The following DISC1 variants were observed in gnomAD, a reference collection of about 807,000 sequenced individuals.
The protein encoded by DISC1 is DISC1 scaffold protein.
DISC1 carries 57 observed loss-of-function variants against 84.5 expected under a neutral mutation model. That is an observed-to-expected ratio of 0.67 (90% CI 0.55 to 0.84). The LOEUF (loss-of-function observed/expected upper bound fraction) is 0.84, where lower values mean the gene tolerates loss of function less well. Among genes scored for constraint, DISC1 ranks in the 40% least tolerant of loss-of-function variants. The probability of loss-of-function intolerance (pLI) is 0.00; values close to 1 mark genes in which losing one functional copy is unlikely to be tolerated. For synonymous variants in DISC1, 411 were observed against 415.2 expected, an observed-to-expected ratio of 0.99 and a Z score of 0.12; for missense variants, 1,000 against 1,057.8, an observed-to-expected ratio of 0.95 and a Z score of 0.76.
At chr1:231,862,515 C>T (rs2084746256) in intron 9 of DISC1, among the ~76,000 whole-genome samples, 1 of 152,184 alleles carries the variant, frequency 6.6e-6, no homozygotes, top group Non-Finnish European at 1.5e-5. Context: ...GACACCATTT[C>T]TGTCTTAAAA....
At chr1:231,766,807 A>T (rs2076208909) in intron 4 of DISC1, among the ~76,000 whole-genome samples, 3 of 152,212 alleles carry the variant, frequency 2.0e-5, no homozygotes, top group Non-Finnish European at 4.4e-5. Flanking sequence ...CTTTATTTTC[A>T]TACTAAGTCC....
At chr1:231,769,177 G>T (rs1029956815) in intron 5 of DISC1, among the ~76,000 whole-genome samples, 6 of 152,194 alleles carry the variant, frequency 3.9e-5, no homozygotes, top group Non-Finnish European at 7.3e-5. Flanking sequence ...TTAGGAATAG[G>T]ATGTAAGACA....
chr1:231,861,274 T>C (rs1237492427), intron 9 of DISC1, among the ~76,000 whole-genome samples: 3 of 151,578 alleles, frequency 2.0e-5, no homozygotes, highest in African/African-American at 7.3e-5. Flanking sequence ...AAAAGCCTTT[T>C]CTGTCATTGT....
At chr1:231,863,275 G>A (rs1405585467) in intron 9 of DISC1, among the ~76,000 whole-genome samples, 2 of 137,294 alleles carry the variant, frequency 1.5e-5, no homozygotes, top group Admixed American at 1.5e-4. Context: ...CTGTCGCCCG[G>A]GATGGAGTGC....
At chr1:231,891,914 C>T (rs1211918795) in intron 9 of DISC1, among the ~76,000 whole-genome samples, 1 of 152,182 alleles carries the variant, frequency 6.6e-6, no homozygotes, top group Non-Finnish European at 1.5e-5. Context: ...ACTCCATCCT[C>T]AGTTCAACAG....
At chr1:231,720,757 A>C in intron 3 of DISC1, 1 of 990,322 alleles carries the variant, frequency 1.0e-6, no homozygotes, top group Non-Finnish European at 1.4e-6. Context: ...TAAAATGTGA[A>C]GTTCTTAAGT....
At chr1:231,794,518 A>G (rs1244592514) in intron 6 of DISC1, among the ~76,000 whole-genome samples, 1 of 152,178 alleles carries the variant, frequency 6.6e-6, no homozygotes, top group African/African-American at 2.4e-5. Context: ...TCAGAATAAG[A>G]TCTGACTCTT....
Position 231,694,153 on chromosome 1 carries a change from T to C in DISC1, c.395T>C (p.Leu132Pro). The C allele has an allele frequency of 6.2e-7, 1 of 1,614,236 alleles. No homozygotes were observed. The highest frequency in any genetic ancestry group is 8.5e-7 in the Non-Finnish European group (1 of 1,180,030). ...GGTGGCACCAGATTGCCTGACAGGCTTAGCTGGCCGTGTGGCCCTGGGAGT... is the reference window on the plus strand; with the variant it reads ...GGTGGCACCAGATTGCCTGACAGGCCTAGCTGGCCGTGTGGCCCTGGGAGT... ...LRGGTRLPDR[L>P]SWPCGPGSAG... Residue 132 changes from leucine to proline, a missense_variant, in exon 2 of 13, where the codon CTT becomes CCT. Transcript: ENST00000439617.
chr1:231,911,640 C>A (rs899431841), intron 9 of DISC1, among the ~76,000 whole-genome samples: 1 of 152,160 alleles, frequency 6.6e-6, no homozygotes, highest in African/African-American at 2.4e-5. Context: ...GTGAATCTGA[C>A]AATTATGTGT....
chr1:231,934,837 T>G (rs1261349151), intron 9 of DISC1, among the ~76,000 whole-genome samples: 1 of 152,182 alleles, frequency 6.6e-6, no homozygotes, highest in African/African-American at 2.4e-5. Context: ...AGTCCTCCCC[T>G]CATTTGAGGG....
At chr1:231,785,246 TGTGTGTG>T (rs147565412) in intron 6 of DISC1, among the ~76,000 whole-genome samples, 1 of 86,828 alleles carries the variant, frequency 1.2e-5, no homozygotes, top group Non-Finnish European at 2.7e-5. Flanking sequence ...TGTGTGTGTG[TGTGTGTG>T]TTATTTTATT....
chr1:232,001,246 T>A (rs1666648336), intron 10 of DISC1, among the ~76,000 whole-genome samples: 1 of 152,128 alleles, frequency 6.6e-6, no homozygotes. Flanking sequence ...GTCCAGCTAA[T>A]TTTTGCATTT....
chr1:231,953,006 A>T (rs1432388698), intron 9 of DISC1, among the ~76,000 whole-genome samples: 7 of 152,150 alleles, frequency 4.6e-5, no homozygotes, highest in Non-Finnish European at 1.0e-4. Flanking sequence ...TTTTGTAACA[A>T]TGAGCTCTGG....
chr1:231,863,036 T>A (rs202006550), intron 9 of DISC1, among the ~76,000 whole-genome samples: 1 of 152,022 alleles, frequency 6.6e-6, no homozygotes, highest in Admixed American at 6.6e-5. Context: ...ATAAAGTCGG[T>A]CACCCCATTT....
chr1:231,934,275 T>G (rs145374236), intron 9 of DISC1, among the ~76,000 whole-genome samples: 8 of 152,316 alleles, frequency 5.3e-5, no homozygotes, highest in Admixed American at 2.0e-4. Flanking sequence ...CACTTCTACT[T>G]TGGTTAGTTA....
intron 1 of DISC1, among the ~76,000 whole-genome samples, chr1:231,671,296 A>ATT (rs550472799): frequency 6.8e-6 from 1 of 147,186 alleles, no homozygotes; most frequent in African/African-American, 2.5e-5. Context: ...CCTTTTCATT[A>ATT]TTTTTTTTTT....
At chr1:231,935,186 T>C (rs1347126629) in intron 9 of DISC1, among the ~76,000 whole-genome samples, 2 of 152,208 alleles carry the variant, frequency 1.3e-5, no homozygotes, top group East Asian at 3.9e-4. Flanking sequence ...GTGTTTAATA[T>C]GCAAGTGACA....
chr1:231,866,123 A>G (rs759830787), intron 9 of DISC1, among the ~76,000 whole-genome samples: 4 of 151,980 alleles, frequency 2.6e-5, no homozygotes, highest in Non-Finnish European at 5.9e-5. Flanking sequence ...TGCCTTTCCC[A>G]TAGTGGCCCA....
chr1:231,806,975 G>C (rs193210411), intron 8 of DISC1, among the ~76,000 whole-genome samples: 11 of 152,344 alleles, frequency 7.2e-5, no homozygotes, highest in African/African-American at 2.6e-4. Context: ...CTGGAATGGT[G>C]CTGGGACTTT....
Sources: allele counts gnomAD v4.1 joint callset (sites outside exome capture counted in the v4.1 genomes callset), GRCh38; gene constraint gnomAD v4.1.1; transcripts MANE v1.5; gene names NCBI Gene and HGNC (gene_info 2026-07-23, HGNC 2026-07-21).